The following APP variants were observed in gnomAD, a reference collection of about 807,000 sequenced individuals.
APP encodes amyloid beta precursor protein, also known as amyloid-beta precursor protein.
APP carries 31 observed loss-of-function variants against 101.4 expected under a neutral mutation model. The ratio of observed to expected loss-of-function variants is 0.31; its 90% CI spans 0.23 to 0.41. The LOEUF (loss-of-function observed/expected upper bound fraction) is 0.41. Ranked by LOEUF, APP falls within the 10% of genes least tolerant of loss-of-function variation. APP has a pLI of 1.00. For synonymous variants in APP, 366 were observed against 364.4 expected (o/e 1.00, Z -0.05); for missense variants, 839 against 1,003.7 (o/e 0.84, Z 2.22).
chr21:25,956,269 T>C (rs1455611312), intron 11 of APP, among the ~76,000 whole-genome samples: 3 of 152,222 alleles, frequency 2.0e-5, no homozygotes. Context: ...GTAAGAGACA[T>C]TATATTTTTC....
At chr21:25,891,915 T>A in intron 16 of APP, 47 bp from the exon 17 acceptor site, 1 of 1,551,220 alleles carries the variant, frequency 6.4e-7, no homozygotes. Context: ...AAATGCAATA[T>A]AATTTACAAT....
At chr21:25,888,474 T>TG (rs1474758673) in intron 17 of APP, among the ~76,000 whole-genome samples, 1 of 152,140 alleles carries the variant, frequency 6.6e-6, no homozygotes, top group East Asian at 1.9e-4. Flanking sequence ...AGACACACTA[T>TG]GGGGCTGCAC....
intron 11 of APP, among the ~76,000 whole-genome samples, chr21:25,956,672 T>A (rs1420625335): frequency 6.6e-6 from 1 of 152,214 alleles, no homozygotes; most frequent in African/African-American, 2.4e-5. Context: ...GTGTCATGAG[T>A]ACCCTGAAAA....
At chr21:26,034,554 A>G (rs1476135760) in intron 5 of APP, among the ~76,000 whole-genome samples, 1 of 151,116 alleles carries the variant, frequency 6.6e-6, no homozygotes, top group Non-Finnish European at 1.5e-5. Context: ...AGGCAGGAGA[A>G]TGGCGTGAAC....
intron 17 of APP, among the ~76,000 whole-genome samples, chr21:25,889,337 G>A (rs1280768559): frequency 2.6e-5 from 4 of 152,182 alleles, no homozygotes; most frequent in Non-Finnish European, 1.5e-5. Flanking sequence ...GCAAACCAAG[G>A]AGAGATGCCT....
chr21:26,035,213 G>A (rs2146839822), intron 5 of APP, among the ~76,000 whole-genome samples: 1 of 152,272 alleles, frequency 6.6e-6, no homozygotes, highest in East Asian at 1.9e-4. Context: ...GCTACAGTGA[G>A]CCATGATCAT....
intron 1 of APP, among the ~76,000 whole-genome samples, chr21:26,164,620 G>A (rs185992500): frequency 1.7e-4 from 26 of 152,122 alleles, no homozygotes; most frequent in Admixed American, 1.4e-3. Context: ...CTGGGAGGCC[G>A]AGGTGGGCAG....
intron 6 of APP, among the ~76,000 whole-genome samples, chr21:26,013,217 TGA>T (rs1365300902): frequency 6.7e-6 from 1 of 150,252 alleles, no homozygotes; most frequent in Non-Finnish European, 1.5e-5. Context: ...CTCAGGAGGC[TGA>T]GAGAGGAGAC....
At chr21:25,889,858 AAAC>A (rs779143733) in intron 17 of APP, among the ~76,000 whole-genome samples, 11 of 152,292 alleles carry the variant, frequency 7.2e-5, no homozygotes, top group Non-Finnish European at 1.2e-4. Flanking sequence ...AAAAACAAAG[AAAC>A]AACAACAACA....
At chr21:25,969,844 G>GAAAAC (rs2041943173) in intron 11 of APP, among the ~76,000 whole-genome samples, 1 of 100,824 alleles carries the variant, frequency 9.9e-6, no homozygotes, top group Non-Finnish European at 2.0e-5. Context: ...GAAAAGAAAA[G>GAAAAC]AAAAGAAAAC....
intron 2 of APP, among the ~76,000 whole-genome samples, chr21:26,107,715 G>A (rs1245564661): frequency 6.6e-6 from 1 of 152,158 alleles, no homozygotes; most frequent in Non-Finnish European, 1.5e-5. Flanking sequence ...TAGCATAGTA[G>A]CTGACCCTTT....
intron 8 of APP, among the ~76,000 whole-genome samples, chr21:25,990,369 T>C (rs1228908968): frequency 1.3e-5 from 2 of 152,224 alleles, no homozygotes; most frequent in Admixed American, 1.3e-4. Flanking sequence ...TTAACATCTA[T>C]TCTCTATTCA....
chr21:26,168,259 T>C (rs1178588714), intron 1 of APP, among the ~76,000 whole-genome samples: 3 of 152,200 alleles, frequency 2.0e-5, no homozygotes, highest in Admixed American at 2.0e-4. Context: ...TATTCATTTC[T>C]TTTCTACAGC....
intron 3 of APP, among the ~76,000 whole-genome samples, chr21:26,066,130 G>A (rs2046444307): frequency 6.6e-6 from 1 of 152,260 alleles, no homozygotes; most frequent in Non-Finnish European, 1.5e-5. Flanking sequence ...TGAATCACCT[G>A]GGGGCCTTGT....
intron 3 of APP, 110 bp downstream of exon 3, chr21:26,089,833 C>T: frequency 6.6e-7 from 1 of 1,507,052 alleles, no homozygotes; most frequent in Non-Finnish European, 9.1e-7. Context: ...CACAGAGTGG[C>T]AATGTGCTGA....
intron 1 of APP, among the ~76,000 whole-genome samples, chr21:26,159,191 T>C (rs1246753195): frequency 2.6e-5 from 4 of 152,140 alleles, no homozygotes; most frequent in African/African-American, 4.8e-5. Flanking sequence ...ACCATTCTCC[T>C]GCCTCAGCCT....
intron 11 of APP, among the ~76,000 whole-genome samples, chr21:25,968,809 T>C (rs1273175019): frequency 6.6e-6 from 1 of 152,172 alleles, no homozygotes; most frequent in Admixed American, 6.5e-5. Flanking sequence ...TAGAATTTGT[T>C]AAGGGTTAGA....
Position 25,954,703 on chromosome 21 carries a change from T to C in APP, c.1588-14A>G. ...GTGTGTCATAACCTGCATCAAAGGA[T>C]GACAACTCCAGGTCAACAATGTCTG... On this transcript the variant is annotated splice_polypyrimidine_tract_variant and intron_variant, in intron 12 of 17. Coordinates refer to ENST00000346798, the MANE Select transcript of APP (RefSeq NM_000484.4). 3 of 1,602,380 alleles carry C rather than the reference T, an allele frequency of 1.9e-6. No homozygotes were observed. The highest frequency in any genetic ancestry group is 2.6e-6 in the Non-Finnish European group (3 of 1,169,614).
intron 6 of APP, among the ~76,000 whole-genome samples, chr21:26,020,845 G>A (rs117844073): frequency 0.015 from 2,331 of 152,148 alleles, 35 homozygotes; most frequent in Non-Finnish European, 0.023. Flanking sequence ...TTATTTCATG[G>A]AGACAAGTAT....
Sources: allele counts gnomAD v4.1 joint callset (sites outside exome capture counted in the v4.1 genomes callset), GRCh38; gene constraint gnomAD v4.1.1; transcripts MANE v1.5; gene names NCBI Gene and HGNC (gene_info 2026-07-23, HGNC 2026-07-21).